Variants in ACOXL observed in about 807,000 individuals in gnomAD.
The protein encoded by ACOXL is acyl-coenzyme A oxidase-like protein.
In ACOXL, 70 loss-of-function variants were observed where a neutral mutation model predicts 71.9. The observed-to-expected ratio is 0.97, with a 90% CI of 0.80 to 1.19. ACOXL has a LOEUF of 1.19. Among genes scored for constraint, ACOXL ranks in the 50% most tolerant of loss-of-function variants. ACOXL has a pLI of 0.00. For synonymous variants in ACOXL, 253 were observed against 281.6 expected, an observed-to-expected ratio of 0.90 and a Z score of 1.02; for missense variants, 703 against 736.3, an observed-to-expected ratio of 0.95 and a Z score of 0.52.
intron 12 of ACOXL, among the ~76,000 whole-genome samples, chr2:110,942,233 A>C (rs2060893662): frequency 6.6e-6 from 1 of 152,240 alleles, no homozygotes; most frequent in Admixed American, 6.5e-5. Flanking sequence ...TATATTAATA[A>C]ACACTTTAAA....
At chr2:111,053,251 G>A (rs542263421) in intron 16 of ACOXL, among the ~76,000 whole-genome samples, 2 of 152,252 alleles carry the variant, frequency 1.3e-5, no homozygotes, top group East Asian at 1.9e-4. Context: ...TCCTCCAGGC[G>A]CTGCCAAGTG....
intron 1 of ACOXL, among the ~76,000 whole-genome samples, chr2:110,740,919 C>CA (rs1677445769): frequency 6.6e-6 from 1 of 152,324 alleles, no homozygotes; most frequent in East Asian, 1.9e-4. Context: ...CTGACGTGGA[C>CA]AGTTGTCCTT....
intron 14 of ACOXL, among the ~76,000 whole-genome samples, chr2:111,009,076 T>A (rs1021728487): frequency 1.3e-5 from 2 of 152,226 alleles, no homozygotes; most frequent in African/African-American, 4.8e-5. Flanking sequence ...GCAAACTTTT[T>A]AAAATTTTTT....
intron 12 of ACOXL, among the ~76,000 whole-genome samples, chr2:110,938,985 T>C (rs1475623864): frequency 2.0e-5 from 3 of 152,200 alleles, no homozygotes; most frequent in Non-Finnish European, 4.4e-5. Context: ...AGCTCATTTG[T>C]TGGGGACAGA....
chr2:110,814,071 T>G (rs1279918098), intron 9 of ACOXL, among the ~76,000 whole-genome samples: 1 of 152,222 alleles, frequency 6.6e-6, no homozygotes, highest in Non-Finnish European at 1.5e-5. Context: ...CCTGGAACAC[T>G]TTATGCATGG....
Position 110,844,734 on chromosome 2 carries a change from A to G in ACOXL, c.788+3329A>G, listed in dbSNP as rs752350616. Among the ~76,000 whole-genome samples, 13 of 151,840 alleles carry G rather than the reference A, an allele frequency of 8.6e-5. No individual in the cohort carries two copies. In the South Asian group the frequency reaches 2.3e-3, roughly 27 times the overall value. Reference sequence around the variant, plus strand: ...AGCTAATTTTTTATTTTTAGTAGAGACAGGGTTTCACCATGTTGGCCAGGC... The same window carrying G: ...AGCTAATTTTTTATTTTTAGTAGAGGCAGGGTTTCACCATGTTGGCCAGGC... On this transcript the variant is annotated intron_variant, in intron 10 of 17. Coordinates refer to ENST00000439055, the MANE Select transcript of ACOXL (RefSeq NM_001142807.4).
chr2:111,059,133 A>C (rs1426838241), intron 16 of ACOXL, among the ~76,000 whole-genome samples: 3 of 152,212 alleles, frequency 2.0e-5, no homozygotes, highest in African/African-American at 7.2e-5. Context: ...GTTATTCAGG[A>C]GGTTGAGGCT....
chr2:110,879,237 T>C (rs1696319641), intron 10 of ACOXL, among the ~76,000 whole-genome samples: 1 of 152,148 alleles, frequency 6.6e-6, no homozygotes, highest in African/African-American at 2.4e-5. Context: ...CCACATCCAA[T>C]CCCATTGTAT....
chr2:110,937,334 G>A (rs962097215), intron 12 of ACOXL, among the ~76,000 whole-genome samples: 3 of 152,026 alleles, frequency 2.0e-5, no homozygotes, highest in African/African-American at 2.4e-5. Flanking sequence ...TCTGTGTCAG[G>A]AACTGGGGTA....
intron 12 of ACOXL, among the ~76,000 whole-genome samples, chr2:110,967,296 T>G (rs892302834): frequency 6.6e-6 from 1 of 152,012 alleles, no homozygotes; most frequent in Non-Finnish European, 1.5e-5. Context: ...TGATAGAGGG[T>G]GGAATCAGTG....
rs1558986745 is a variant in ACOXL at position 111,118,255 on chromosome 2, G to A, written c.*439G>A. The A allele has an allele frequency of 5.5e-6, 1 of 182,172 alleles. No homozygotes were observed. Among genetic ancestry groups the A allele is most frequent in the Admixed American group, 5.9e-5 (1 of 17,084 alleles). 11.3% of individuals were successfully genotyped at this position (182,172 alleles called of 1,614,324 possible). A position where few individuals can be genotyped will look rare whatever the true frequency, so the allele number is the denominator to read the frequency against. ...AAAAAGCAAACACCCTTAGACAAAAGAAAAAAGCTCCACTCTTTCCGCGAG... is the reference window on the plus strand; with the variant it reads ...AAAAAGCAAACACCCTTAGACAAAAAAAAAAAGCTCCACTCTTTCCGCGAG... On this transcript the variant is annotated 3_prime_UTR_variant, in exon 18 of 18. Transcript: ENST00000439055.
At chr2:111,013,846 AAATATTCT>A (rs368729215) in intron 14 of ACOXL, among the ~76,000 whole-genome samples, 55,148 of 151,872 alleles carry the variant, frequency 0.36, 10,700 homozygotes, top group African/African-American at 0.5. Context: ...AATTACAAAC[AAATATTCT>A]CCACGAATAT....
chr2:110,905,241 C>G (rs991910429), intron 10 of ACOXL, among the ~76,000 whole-genome samples: 1 of 151,882 alleles, frequency 6.6e-6, no homozygotes, highest in African/African-American at 2.4e-5. Flanking sequence ...AGAGAAGTCT[C>G]AATTTGGGGA....
intron 2 of ACOXL, among the ~76,000 whole-genome samples, chr2:110,775,797 C>T (rs911195952): frequency 9.2e-5 from 14 of 152,056 alleles, no homozygotes; most frequent in South Asian, 2.1e-4. Context: ...TGTGCATTGT[C>T]GGTGGTGATG....
intron 15 of ACOXL, among the ~76,000 whole-genome samples, chr2:111,035,647 G>A (rs2065475616): frequency 1.3e-5 from 2 of 152,336 alleles, no homozygotes; most frequent in Admixed American, 6.5e-5. Context: ...CATATTAAGA[G>A]CAGGTTGTAA....
At chr2:111,051,096 G>A (rs977768189) in intron 16 of ACOXL, among the ~76,000 whole-genome samples, 3 of 152,104 alleles carry the variant, frequency 2.0e-5, no homozygotes, top group Non-Finnish European at 2.9e-5. Context: ...ATTTATGTGG[G>A]CGTTTTCTCA....
At chr2:110,862,869 C>G (rs1404432012) in intron 10 of ACOXL, among the ~76,000 whole-genome samples, 1 of 152,200 alleles carries the variant, frequency 6.6e-6, no homozygotes, top group Non-Finnish European at 1.5e-5. Context: ...ACTGGGCAGT[C>G]CAGCGGCACC....
rs188699916 is a variant in ACOXL, at chr2:110,829,585, G to A, written c.754-11786G>A. Reference sequence around the variant, plus strand: ...TGCTTTTGCTCCAGTGTCTTTGTACGGTGGCTGTTTCTTCTCTGCGTCACA... The same window carrying A: ...TGCTTTTGCTCCAGTGTCTTTGTACAGTGGCTGTTTCTTCTCTGCGTCACA... On this transcript the variant is annotated intron_variant, in intron 9 of 17. Coordinates refer to ENST00000439055, the MANE Select transcript of ACOXL (RefSeq NM_001142807.4). 4.0e-4 allele frequency among the ~76,000 whole-genome samples: 61 copies of A among 152,324 alleles called. No individual in the cohort carries two copies. The East Asian group carries it at 0.011, about 27-fold the overall frequency.
intron 13 of ACOXL, among the ~76,000 whole-genome samples, chr2:110,990,035 C>T (rs775770809): frequency 5.3e-5 from 8 of 151,774 alleles, no homozygotes; most frequent in South Asian, 2.1e-4. Flanking sequence ...AGTGAAACTT[C>T]GTCTCAAAAA....
Sources: allele counts gnomAD v4.1 joint callset (sites outside exome capture counted in the v4.1 genomes callset), GRCh38; gene constraint gnomAD v4.1.1; transcripts MANE v1.5; gene names NCBI Gene and HGNC (gene_info 2026-07-23, HGNC 2026-07-21).